The following LRFN5 variants were observed in gnomAD, a reference collection of about 807,000 sequenced individuals.
The protein encoded by LRFN5 is leucine rich repeat and fibronectin type III domain containing 5, also known as leucine-rich repeat and fibronectin type-III domain-containing protein 5.
LRFN5 carries 24 observed loss-of-function variants against 45.6 expected under a neutral mutation model. That is an observed-to-expected ratio of 0.53 (90% confidence interval 0.38 to 0.74). The LOEUF (loss-of-function observed/expected upper bound fraction) is 0.74, where lower values mean the gene tolerates loss of function less well. Ranked by LOEUF, LRFN5 falls within the 30% of genes least tolerant of loss-of-function variation. The pLI is 0.00. For synonymous variants in LRFN5, 340 were observed against 313.8 expected (o/e 1.08, Z -0.88); for missense variants, 776 against 861.5 (o/e 0.90, Z 1.24).
At chr14:41,892,693 A>G in intron 4 of LRFN5, 1 of 985,334 alleles carries the variant, frequency 1.0e-6, no homozygotes. Flanking sequence ...TCACTTCTAA[A>G]CAACATCCTT....
chr14:41,861,444 G>GCTAT (rs1276412185), intron 2 of LRFN5, among the ~76,000 whole-genome samples: 1 of 152,026 alleles, frequency 6.6e-6, no homozygotes, highest in East Asian at 1.9e-4. Context: ...TTAATACATT[G>GCTAT]CTATCATGTA....
In LRFN5 at chr14:41,766,975, G is replaced by A. The variant is rs1400844545; in HGVS notation, c.-75G>A. On this transcript the variant is annotated 5_prime_UTR_variant, in exon 2 of 6. Transcript: ENST00000298119. ...TTCACTCTGTCCGTCTTCTGCAGCAGCCAGGCAGAGTGCCGACTCCTTCAC... is the reference window on the plus strand; with the variant it reads ...TTCACTCTGTCCGTCTTCTGCAGCAACCAGGCAGAGTGCCGACTCCTTCAC... 6.6e-6 allele frequency: 1 copy of A among 152,606 alleles called. No individual in the cohort carries two copies. Among genetic ancestry groups the A allele is most frequent in the Non-Finnish European group, 1.5e-5 (1 of 68,036 alleles). The allele number at this position is 152,606 out of a possible 1,614,324, so 9.5% of individuals were successfully genotyped here.
At chr14:41,694,851 T>C (rs890704946) in intron 1 of LRFN5, among the ~76,000 whole-genome samples, 4 of 151,964 alleles carry the variant, frequency 2.6e-5, no homozygotes, top group Admixed American at 6.6e-5. Context: ...TAAGGCCAAT[T>C]AATAACTCTA....
chr14:41,652,077 G>A (rs1880150354), intron 1 of LRFN5, among the ~76,000 whole-genome samples: 1 of 151,998 alleles, frequency 6.6e-6, no homozygotes, highest in African/African-American at 2.4e-5. Context: ...TTAGGACATC[G>A]ACATATGAAT....
At chr14:41,759,456 C>CT (rs1329553853) in intron 1 of LRFN5, among the ~76,000 whole-genome samples, 22 of 50,154 alleles carry the variant, frequency 4.4e-4, no homozygotes, top group Middle Eastern at 6.3e-3. Flanking sequence ...TCTACACACA[C>CT]ACACACACAC....
At chr14:41,837,585 C>A (rs1257482773) in intron 2 of LRFN5, among the ~76,000 whole-genome samples, 3 of 151,964 alleles carry the variant, frequency 2.0e-5, no homozygotes, top group Non-Finnish European at 4.4e-5. Context: ...TATAAATTTA[C>A]ATAAAGTAGT....
intron 2 of LRFN5, among the ~76,000 whole-genome samples, chr14:41,847,307 T>C (rs1014996002): frequency 1.3e-4 from 20 of 152,010 alleles, no homozygotes; most frequent in African/African-American, 4.6e-4. Context: ...TCATGGGGAG[T>C]AATAGTATGC....
At chr14:41,691,560 C>CAT (rs1305399195) in intron 1 of LRFN5, among the ~76,000 whole-genome samples, 12 of 152,036 alleles carry the variant, frequency 7.9e-5, no homozygotes, top group South Asian at 2.1e-4. Flanking sequence ...TGTGCATATA[C>CAT]ATATATATAC....
intron 2 of LRFN5, among the ~76,000 whole-genome samples, chr14:41,875,892 A>T (rs560835627): frequency 6.6e-6 from 1 of 152,346 alleles, no homozygotes; most frequent in African/African-American, 2.4e-5. Context: ...GACTTCTTAC[A>T]TAAATCAGGT....
chr14:41,843,378 G>A (rs554981189), intron 2 of LRFN5, among the ~76,000 whole-genome samples: 1 of 152,164 alleles, frequency 6.6e-6, no homozygotes, highest in South Asian at 2.1e-4. Context: ...TCATACGTGA[G>A]AAAAACATTC....
intron 1 of LRFN5, among the ~76,000 whole-genome samples, chr14:41,698,422 T>C (rs1434115147): frequency 6.6e-6 from 1 of 152,088 alleles, no homozygotes; most frequent in Non-Finnish European, 1.5e-5. Flanking sequence ...ATTTGAGCAA[T>C]GTATGGAACA....
In LRFN5 at chr14:41,891,365, A is replaced by G; in HGVS notation, c.1501A>G (p.Arg501Gly). 6.2e-7 allele frequency: 1 copy of G among 1,614,088 alleles called. No individual in the cohort carries two copies. Reference protein sequence around the residue: ...DDGITSLTATRVVGCIQFTTE... With the variant: ...DDGITSLTATGVVGCIQFTTE... ...TGGCATCACTTCCCTCACTGCCACAAGAGTCGTGGGTTGCATCCAGTTTAC... is the reference window on the plus strand; with the variant it reads ...TGGCATCACTTCCCTCACTGCCACAGGAGTCGTGGGTTGCATCCAGTTTAC... Residue 501 changes from arginine to glycine, a missense_variant, in exon 4 of 6, where the codon AGA (arginine) becomes GGA (glycine). Arg to Gly is a moderately radical substitution (Grantham distance 125). Around this residue, in one of 2 missense-constraint regions of LRFN5, gnomAD observed 465 missense variants for 456.4 expected, o/e 1.02. Transcript: ENST00000298119.
intron 2 of LRFN5, among the ~76,000 whole-genome samples, chr14:41,815,905 T>C (rs1170744631): frequency 6.6e-6 from 1 of 152,164 alleles, no homozygotes; most frequent in East Asian, 1.9e-4. Context: ...AGTATTGTTA[T>C]AGTTGGATTA....
chr14:41,656,789 G>A (rs1880401090), intron 1 of LRFN5, among the ~76,000 whole-genome samples: 1 of 151,780 alleles, frequency 6.6e-6, no homozygotes, highest in Non-Finnish European at 1.5e-5. Context: ...AGAAGACTGA[G>A]GGATTGAAAG....
intron 1 of LRFN5, among the ~76,000 whole-genome samples, chr14:41,689,049 C>G (rs970427619): frequency 6.6e-6 from 1 of 151,376 alleles, no homozygotes; most frequent in Non-Finnish European, 1.5e-5. Flanking sequence ...GAGCTGAGAT[C>G]TCACCACTGC....
At chr14:41,799,362 C>T (rs1216879987) in intron 2 of LRFN5, among the ~76,000 whole-genome samples, 1 of 152,014 alleles carries the variant, frequency 6.6e-6, no homozygotes, top group African/African-American at 2.4e-5. Flanking sequence ...ATTGTGTGCA[C>T]AGCAACATGT....
chr14:41,861,999 G>A (rs1411392657), intron 2 of LRFN5, among the ~76,000 whole-genome samples: 1 of 152,016 alleles, frequency 6.6e-6, no homozygotes, highest in African/African-American at 2.4e-5. Flanking sequence ...CTGTTTTCAC[G>A]AGATCTGATG....
intron 1 of LRFN5, among the ~76,000 whole-genome samples, chr14:41,703,636 T>G (rs1394943769): frequency 1.3e-5 from 2 of 152,136 alleles, no homozygotes; most frequent in Non-Finnish European, 2.9e-5. Flanking sequence ...TTCTTTCTTT[T>G]GGGAGAATAA....
At chr14:41,812,062 A>G (rs1887755859) in intron 2 of LRFN5, among the ~76,000 whole-genome samples, 1 of 152,098 alleles carries the variant, frequency 6.6e-6, no homozygotes, top group Non-Finnish European at 1.5e-5. Flanking sequence ...ATTCTGGTGA[A>G]TATGGAATAT....
Sources: gnomAD v4.1 joint callset for allele counts (sites outside exome capture counted in the v4.1 genomes callset) on GRCh38, gnomAD v4.1.1 for gene constraint, gnomAD v4.1.1 regional missense constraint, MANE v1.5 for transcripts, NCBI Gene and HGNC (gene_info 2026-07-23, HGNC 2026-07-21) for gene names.